ABCG8: variants seen among roughly 807,000 people sequenced by gnomAD.
ABCG8 encodes the protein ATP-binding cassette sub-family G member 8.
A neutral mutation model predicts 71.3 loss-of-function variants in ABCG8; 81 were observed. That is an observed-to-expected ratio of 1.14 (90% CI 0.95 to 1.37). The LOEUF (loss-of-function observed/expected upper bound fraction) is 1.37, where lower values mean the gene tolerates loss of function less well. ABCG8 is among the 40% of genes most tolerant of loss of function. The probability of loss-of-function intolerance (pLI) is 0.00; values close to 1 mark genes in which losing one functional copy is unlikely to be tolerated. For missense variants in ABCG8, 1,119 were observed against 866.2 expected (o/e 1.29, Z -3.66); for synonymous variants, 451 against 354.7 (o/e 1.27, Z -3.05).
At position 43,878,986 on chromosome 2, in the gene ABCG8, C is replaced by A. The variant is rs1329225673; in HGVS notation, c.*1073C>A. ...TCTCCCGCTACCCTGTGAAGAGGAGCCTTCCACCACGACTGCAAGTTTCCT... is the reference window on the plus strand; with the variant it reads ...TCTCCCGCTACCCTGTGAAGAGGAGACTTCCACCACGACTGCAAGTTTCCT... On this transcript the variant is annotated 3_prime_UTR_variant, in exon 13 of 13. Coordinates refer to ENST00000272286, the MANE Select transcript of ABCG8 (RefSeq NM_022437.3). 1 of 152,298 alleles carries A rather than the reference C, an allele frequency of 6.6e-6. No individual in the cohort carries two copies. The highest frequency in any genetic ancestry group is 6.5e-5 in the Admixed American group (1 of 15,282). 9.4% of individuals were successfully genotyped at this position (152,298 alleles called of 1,614,324 possible). A position where few individuals can be genotyped will look rare whatever the true frequency, so the allele number is the denominator to read the frequency against.
intron 2 of ABCG8, 90 bp from the exon 3 acceptor site, chr2:43,846,065 C>A: frequency 1.4e-6 from 2 of 1,422,866 alleles, no homozygotes; most frequent in Non-Finnish European, 2.0e-6. Flanking sequence ...TGGAGAGGGG[C>A]CACCTGGGGA....
chr2:43,873,062 G>C (rs1211328643), intron 8 of ABCG8, among the ~76,000 whole-genome samples: 1 of 152,076 alleles, frequency 6.6e-6, no homozygotes, highest in African/African-American at 2.4e-5. Context: ...CCGTCTGATT[G>C]GGTCTTCCTC....
chr2:43,838,983 G>T lies in ABCG8; in HGVS notation c.-71G>T. 1.4e-6 allele frequency: 2 copies of T among 1,478,376 alleles called. No individual in the cohort carries two copies. Among genetic ancestry groups the T allele is most frequent in the South Asian group, 2.4e-5 (2 of 82,080 alleles). 91.6% of individuals were successfully genotyped at this position (1,478,376 alleles called of 1,614,324 possible). A position where few individuals can be genotyped will look rare whatever the true frequency, so the allele number is the denominator to read the frequency against. ...TCCCTGCTCCAGGAAACAGAGTGAA[G>T]ACACTGGCCCTGGCAGGCAGCAGCT... On this transcript the variant is annotated 5_prime_UTR_variant, in exon 1 of 13. Coordinates refer to ENST00000272286, the MANE Select transcript of ABCG8 (RefSeq NM_022437.3). This position sits in a 1 kb window ranked among gnomAD's most constrained non-coding sequence, Gnocchi z 4.2.
intron 6 of ABCG8, among the ~76,000 whole-genome samples, chr2:43,863,135 A>T (rs994767361): frequency 2.0e-5 from 3 of 151,364 alleles, no homozygotes; most frequent in Non-Finnish European, 3.0e-5. Context: ...CACTCTCTGG[A>T]TATAACTCTC....
chr2:43,875,447 G>C (rs372811600), intron 11 of ABCG8, 34 bp downstream of exon 11: 2 of 1,605,298 alleles, frequency 1.2e-6, no homozygotes, highest in Admixed American at 1.7e-5. Context: ...GGCCAGCTTT[G>C]TTAGGACTCA....
At chr2:43,843,346 A>G (rs891041673) in intron 1 of ABCG8, among the ~76,000 whole-genome samples, 1 of 152,228 alleles carries the variant, frequency 6.6e-6, no homozygotes, top group African/African-American at 2.4e-5. Flanking sequence ...CTTGTTAATG[A>G]AAGTGTACTT....
chr2:43,872,351 G>C, intron 8 of ABCG8, 45 bp downstream of exon 8: 1 of 1,565,000 alleles, frequency 6.4e-7, no homozygotes, highest in Non-Finnish European at 8.7e-7. Flanking sequence ...CCCTGCCCAA[G>C]TCTTTGTATA....
At chr2:43,869,724 A>G (rs903217987) in intron 6 of ABCG8, among the ~76,000 whole-genome samples, 2 of 151,976 alleles carry the variant, frequency 1.3e-5, no homozygotes, top group Admixed American at 6.5e-5. Context: ...TCTGGATAGA[A>G]TTCTCACCAT....
chr2:43,846,434 T>C (rs1668745888), intron 3 of ABCG8, 123 bp downstream of exon 3: 1 of 1,409,832 alleles, frequency 7.1e-7, no homozygotes, highest in African/African-American at 1.4e-5. Context: ...GCAGAATGGC[T>C]GAGAACACAG....
At chr2:43,845,348 C>T (rs1327111446) in intron 2 of ABCG8, among the ~76,000 whole-genome samples, 1 of 151,984 alleles carries the variant, frequency 6.6e-6, no homozygotes, top group East Asian at 1.9e-4. Flanking sequence ...AGCCAATGAG[C>T]CTTTCTCTGC....
At chr2:43,870,599 G>C (rs1169458609) in intron 6 of ABCG8, among the ~76,000 whole-genome samples, 1 of 143,984 alleles carries the variant, frequency 6.9e-6, no homozygotes. Flanking sequence ...CTATCTGGAT[G>C]GAATTCTCAC....
chr2:43,849,892 T>C (rs1668860830), intron 3 of ABCG8, among the ~76,000 whole-genome samples: 1 of 152,126 alleles, frequency 6.6e-6, no homozygotes, highest in Non-Finnish European at 1.5e-5. Flanking sequence ...AGCTTCTTGG[T>C]TTTTGGAGAT....
At chr2:43,868,514 C>T (rs1669616208) in intron 6 of ABCG8, among the ~76,000 whole-genome samples, 1 of 152,082 alleles carries the variant, frequency 6.6e-6, no homozygotes, top group Non-Finnish European at 1.5e-5. Flanking sequence ...ATAGAATTCT[C>T]ACCATCTGCA....
intron 2 of ABCG8, 52 bp from the exon 3 acceptor site, chr2:43,846,103 A>G: frequency 1.2e-6 from 2 of 1,604,808 alleles, no homozygotes; most frequent in East Asian, 4.5e-5. Flanking sequence ...AAGTTGCTGA[A>G]GCCCTCTGAA....
In ABCG8 at chr2:43,877,537, A is replaced by C. The variant is rs760713504; in HGVS notation, c.1757-24A>C. On this transcript the variant is annotated intron_variant, in intron 11 of 12. Coordinates refer to ENST00000272286, the MANE Select transcript of ABCG8 (RefSeq NM_022437.3). ...CATGAGAATATGAGGGACACCTGTG[A>C]GTAACGCGGCTGTCTGTCTCCAGTG... 3 of 1,613,180 alleles carry C rather than the reference A, an allele frequency of 1.9e-6. No homozygotes were observed. In the South Asian group the frequency reaches 3.3e-5, roughly 18 times the overall value.
At chr2:43,865,083 G>A (rs1214170339) in intron 6 of ABCG8, among the ~76,000 whole-genome samples, 1 of 151,788 alleles carries the variant, frequency 6.6e-6, no homozygotes. Context: ...TGTCTGGATA[G>A]AATTCTCACC....
At chr2:43,846,879 C>T (rs1444308604) in intron 3 of ABCG8, 4 of 183,576 alleles carry the variant, frequency 2.2e-5, no homozygotes, top group Non-Finnish European at 3.5e-5. Context: ...AGGTCATTCT[C>T]ATCATGTTCC....
intron 6 of ABCG8, among the ~76,000 whole-genome samples, chr2:43,856,554 GGATAGAACTCTCCCCATGTA>G (rs1669114976): frequency 1.3e-5 from 2 of 151,722 alleles, no homozygotes; most frequent in African/African-American, 4.8e-5. Flanking sequence ...CTTTCTATCT[GGATAGAACTCTCCCCATGTA>G]GATAGAACTC....
intron 10 of ABCG8, 33 bp downstream of exon 10, chr2:43,874,516 C>CG (rs10667526): frequency 6.5e-7 from 1 of 1,548,608 alleles, no homozygotes; most frequent in South Asian, 1.1e-5. Flanking sequence ...AAGTGCCCCC[C>CG]ACCCACCAGG....
Sources: allele counts gnomAD v4.1 joint callset (sites outside exome capture counted in the v4.1 genomes callset), GRCh38; gene constraint gnomAD v4.1.1; non-coding constraint Gnocchi (gnomAD v3.1); transcripts MANE v1.5; gene names NCBI Gene and HGNC (gene_info 2026-07-23, HGNC 2026-07-21).